The following MAD1L1 variants were observed in gnomAD, a reference collection of about 807,000 sequenced individuals.
MAD1L1 encodes mitotic arrest deficient 1 like 1, also known as mitotic spindle assembly checkpoint protein MAD1.
MAD1L1 carries 95 observed loss-of-function variants against 96.9 expected under a neutral mutation model. The observed-to-expected ratio is 0.98, with a 90% confidence interval of 0.83 to 1.16. The LOEUF is 1.16. MAD1L1 is among the 50% of genes most tolerant of loss of function. The pLI is 0.00. For missense variants in MAD1L1, 1,007 were observed against 954.4 expected (o/e 1.06, Z -0.73); for synonymous variants, 473 against 396.6 (o/e 1.19, Z -2.29).
At chr7:1,933,059 G>C (rs747076444) in intron 17 of MAD1L1, among the ~76,000 whole-genome samples, 5 of 152,236 alleles carry the variant, frequency 3.3e-5, no homozygotes, top group Non-Finnish European at 7.3e-5. Context: ...CCAGGAGACA[G>C]TTTTTGGAGA....
intron 18 of MAD1L1, among the ~76,000 whole-genome samples, chr7:1,887,919 CTGCGGCTGCCT>C (rs1786226189): frequency 4.1e-4 from 9 of 22,202 alleles, no homozygotes; most frequent in East Asian, 1.4e-3. Context: ...GCATGCATGG[CTGCGGCTGCCT>C]GTGCACGTGT....
intron 18 of MAD1L1, among the ~76,000 whole-genome samples, chr7:1,870,576 G>A (rs1414884338): frequency 1.2e-4 from 15 of 127,312 alleles, no homozygotes; most frequent in African/African-American, 3.6e-4. Flanking sequence ...CCCAACATAC[G>A]CCTGCCACGC....
In MAD1L1 at chr7:1,887,527, GT is replaced by G. The variant is rs1374058598; in HGVS notation, c.1998+10672del. Reference sequence around the variant, plus strand: ...TGTATGTGGCTGCCTGTGCGTGTGTGTCTGCATGTGGCTGCCTGTGCATGTG... The same window carrying G: ...TGTATGTGGCTGCCTGTGCGTGTGTGCTGCATGTGGCTGCCTGTGCATGTG... On this transcript the variant is annotated intron_variant, in intron 18 of 18. Transcript: ENST00000265854. Among the ~76,000 whole-genome samples the G allele has an allele frequency of 2.3e-4, 35 of 151,774 alleles. 1 individual carries two copies. Among genetic ancestry groups the G allele is most frequent in the African/African-American group, 8.5e-4 (35 of 41,352 alleles).
At chr7:2,093,380 G>A (rs150352530) in intron 11 of MAD1L1, among the ~76,000 whole-genome samples, 1 of 152,124 alleles carries the variant, frequency 6.6e-6, no homozygotes, top group East Asian at 1.9e-4. Flanking sequence ...AGTGCATGCA[G>A]TATTTTCTCC....
chr7:1,948,195 C>T (rs898531267), intron 16 of MAD1L1, among the ~76,000 whole-genome samples: 7 of 152,270 alleles, frequency 4.6e-5, no homozygotes, highest in African/African-American at 1.7e-4. Context: ...CTCCAGCACA[C>T]GCACCATGGC....
chr7:1,943,882 G>A (rs1779111362), intron 16 of MAD1L1, among the ~76,000 whole-genome samples: 1 of 152,186 alleles, frequency 6.6e-6, no homozygotes, highest in Admixed American at 6.5e-5. Flanking sequence ...CAGACAGTGG[G>A]GTGTTTCAGC....
At position 2,166,306 on chromosome 7, in the gene MAD1L1, A is replaced by G. The variant is rs551557131; in HGVS notation, c.987-17068T>C. 1.5e-3 allele frequency among the ~76,000 whole-genome samples: 223 copies of G among 152,328 alleles called. 2 individuals are homozygous for G. The highest frequency in any genetic ancestry group is 5.2e-3 in the African/African-American group (217 of 41,566). On this transcript the variant is annotated intron_variant, in intron 10 of 18. Transcript: ENST00000265854. Reference sequence around the variant, plus strand: ...TACAAGGGTCCCCAGACACATGTAAATAAAATGAAGAAATGCCGGCTTTAC... The same window carrying G: ...TACAAGGGTCCCCAGACACATGTAAGTAAAATGAAGAAATGCCGGCTTTAC...
At chr7:2,083,518 C>T (rs142373883) in intron 11 of MAD1L1, among the ~76,000 whole-genome samples, 135 of 152,318 alleles carry the variant, frequency 8.9e-4, no homozygotes, top group Middle Eastern at 3.4e-3. Flanking sequence ...GCTCAGCACT[C>T]GGGCAGGTAA....
At chr7:1,986,495 C>T (rs911228512) in intron 14 of MAD1L1, among the ~76,000 whole-genome samples, 1 of 148,148 alleles carries the variant, frequency 6.8e-6, no homozygotes. Context: ...GCGGCTCCCT[C>T]GCGCCGGCAA....
At chr7:1,957,858 C>T (rs1166994908) in intron 15 of MAD1L1, 139 bp from the exon 16 acceptor site, 9 of 698,284 alleles carry the variant, frequency 1.3e-5, no homozygotes, top group Non-Finnish European at 2.2e-5. Context: ...CTGTGAAGCT[C>T]TCAGAGTCCA....
At chr7:1,847,782 A>T in intron 18 of MAD1L1, 1 of 451,222 alleles carries the variant, frequency 2.2e-6, no homozygotes. Context: ...TACAAGAATG[A>T]ACGAATCGGC....
intron 10 of MAD1L1, among the ~76,000 whole-genome samples, chr7:2,162,061 G>A (rs1015596592): frequency 6.6e-6 from 1 of 152,078 alleles, no homozygotes; most frequent in Admixed American, 6.5e-5. Context: ...GAGCCCCTCT[G>A]CCCGGCCACC....
At chr7:2,063,254 A>G (rs1784741083) in intron 12 of MAD1L1, among the ~76,000 whole-genome samples, 1 of 152,182 alleles carries the variant, frequency 6.6e-6, no homozygotes, top group Non-Finnish European at 1.5e-5. Flanking sequence ...CACTGCGCCA[A>G]AATCTTGCTC....
intron 11 of MAD1L1, among the ~76,000 whole-genome samples, chr7:2,128,178 T>C (rs754429080): frequency 1.3e-5 from 2 of 152,114 alleles, no homozygotes; most frequent in Non-Finnish European, 2.9e-5. Flanking sequence ...AGCCGGACAA[T>C]TGTCCTGGTT....
At chr7:2,211,759 CT>C (rs1173579328) in intron 10 of MAD1L1, among the ~76,000 whole-genome samples, 4 of 152,204 alleles carry the variant, frequency 2.6e-5, no homozygotes, top group African/African-American at 4.8e-5. Context: ...TGAAGAGGCA[CT>C]TTCAGGTGAC....
chr7:1,884,914 CAG>C (rs1785916634), intron 18 of MAD1L1, among the ~76,000 whole-genome samples: 1 of 152,230 alleles, frequency 6.6e-6, no homozygotes, highest in Non-Finnish European at 1.5e-5. Context: ...TCTGGGGACA[CAG>C]TGTGGTGGTG....
chr7:1,967,940 A>G (rs1051980039), intron 15 of MAD1L1, among the ~76,000 whole-genome samples: 3 of 152,146 alleles, frequency 2.0e-5, no homozygotes, highest in Admixed American at 2.0e-4. Context: ...CTGGTAATAA[A>G]CAAGTCCTGG....
At position 1,841,650 on chromosome 7, in the gene MAD1L1, C is replaced by T. The variant is rs549308108; in HGVS notation, c.1999-25422G>A. On this transcript the variant is annotated intron_variant, in intron 18 of 18. Transcript: ENST00000265854. ...TGGACGAGCCCACAGTGGCTGAGGCCGGTGGGGACCCAAGGGGCCAGTCCG... is the reference window on the plus strand; with the variant it reads ...TGGACGAGCCCACAGTGGCTGAGGCTGGTGGGGACCCAAGGGGCCAGTCCG... Among the ~76,000 whole-genome samples the T allele has an allele frequency of 8.1e-4, 123 of 152,336 alleles. 1 individual carries two copies. Among genetic ancestry groups the T allele is most frequent in the Non-Finnish European group, 1.4e-3 (92 of 68,032 alleles).
At chr7:1,998,002 G>A (rs373395241) in intron 14 of MAD1L1, among the ~76,000 whole-genome samples, 2 of 152,222 alleles carry the variant, frequency 1.3e-5, no homozygotes, top group African/African-American at 2.4e-5. Flanking sequence ...GTCAAATGCT[G>A]CAGCTTGGGG....
Sources: allele counts gnomAD v4.1 joint callset (sites outside exome capture counted in the v4.1 genomes callset), GRCh38; gene constraint gnomAD v4.1.1; transcripts MANE v1.5; gene names NCBI Gene and HGNC (gene_info 2026-07-23, HGNC 2026-07-21).